Variants in SLC45A4 observed in about 807,000 individuals in gnomAD.
SLC45A4 encodes polyamine-transporter SLC45A4.
A neutral mutation model predicts 63.7 loss-of-function variants in SLC45A4; 32 were observed. That is an observed-to-expected ratio of 0.50 (90% CI 0.38 to 0.67). The LOEUF (loss-of-function observed/expected upper bound fraction) is 0.67. Ranked by LOEUF, SLC45A4 falls within the 30% of genes least tolerant of loss-of-function variation. The pLI, the probability that SLC45A4 is intolerant of heterozygous loss-of-function variation, is 0.00. For synonymous variants in SLC45A4, 535 were observed against 510.0 expected, an observed-to-expected ratio of 1.05 and a Z score of -0.66; for missense variants, 1,027 against 1,157.7, an observed-to-expected ratio of 0.89 and a Z score of 1.64.
At chr8:141,295,952 A>T (rs1037829164) in intron 1 of SLC45A4, among the ~76,000 whole-genome samples, 3 of 152,228 alleles carry the variant, frequency 2.0e-5, no homozygotes, top group African/African-American at 7.2e-5. Flanking sequence ...GCCCGGGGTC[A>T]GCCCGACAAG....
chr8:141,229,667 C>T lies in SLC45A4; in HGVS notation c.242-7902G>A, dbSNP rs1363054216. Reference sequence around the variant, plus strand: ...CAGAGACCCTGCTGCCACTCCAGTGCGTGCCAGGTGGGCCCTGACAACAGA... The same window carrying T: ...CAGAGACCCTGCTGCCACTCCAGTGTGTGCCAGGTGGGCCCTGACAACAGA... On this transcript the variant is annotated intron_variant, in intron 2 of 8. Coordinates refer to ENST00000517878, the MANE Select transcript of SLC45A4 (RefSeq NM_001286646.2). The surrounding 1 kb of genome is among the most constrained non-coding windows in gnomAD (Gnocchi z 5.0). Among the ~76,000 whole-genome samples the T allele has an allele frequency of 2.6e-5, 4 of 152,164 alleles. No homozygotes were observed. The highest frequency in any genetic ancestry group is 4.8e-5 in the African/African-American group (2 of 41,444).
intron 2 of SLC45A4, among the ~76,000 whole-genome samples, chr8:141,223,305 C>T (rs1041279817): frequency 6.6e-6 from 1 of 152,178 alleles, no homozygotes; most frequent in African/African-American, 2.4e-5. Context: ...GACGCGTGTC[C>T]GCTGGATGGG....
chr8:141,285,660 GCCGC>G (rs1830113467), intron 1 of SLC45A4, among the ~76,000 whole-genome samples: 2 of 152,194 alleles, frequency 1.3e-5, no homozygotes, highest in Non-Finnish European at 2.9e-5. Context: ...TTAGGGAAGC[GCCGC>G]CCTGGGATAA....
At chr8:141,268,819 C>T (rs532606294) in intron 1 of SLC45A4, among the ~76,000 whole-genome samples, 14 of 152,242 alleles carry the variant, frequency 9.2e-5, no homozygotes, top group South Asian at 2.1e-4. Flanking sequence ...AGTGTCCTAT[C>T]GTGGAGGCGC....
Position 141,218,540 on chromosome 8 carries a change from G to A in SLC45A4, c.1100C>T (p.Ala367Val), listed in dbSNP as rs1826347936. The A allele has an allele frequency of 2.5e-6, 4 of 1,613,496 alleles. No homozygotes were observed. The highest frequency in any genetic ancestry group is 3.4e-6 in the Non-Finnish European group (4 of 1,179,978). The change falls in exon 5 of 9, where the codon GCC becomes GTC. Residue 367 changes from alanine (A) to valine (V), a missense_variant. Coordinates refer to ENST00000517878, the MANE Select transcript of SLC45A4 (RefSeq NM_001286646.2). ...ATCCAGCAAGGTCTCGTCCTCCTTG[G>A]CGGCTTCCTTGAGGAAGGTGGCCAG... ...PRLATFLKEA[A>V]KEDETLLDNH...
chr8:141,307,638 A>C (rs534657101), intron 1 of SLC45A4, among the ~76,000 whole-genome samples: 6 of 152,114 alleles, frequency 3.9e-5, no homozygotes, highest in Admixed American at 2.6e-4. Flanking sequence ...TTGAATTCTC[A>C]TAAGTTAGAG....
chr8:141,273,937 C>A (rs998048821), intron 1 of SLC45A4, among the ~76,000 whole-genome samples: 1 of 152,234 alleles, frequency 6.6e-6, no homozygotes, highest in Non-Finnish European at 1.5e-5. Context: ...CTTTAAAAAA[C>A]GTAAAGTTTG....
intron 2 of SLC45A4, among the ~76,000 whole-genome samples, chr8:141,246,449 G>A (rs141755783): frequency 2.0e-4 from 5 of 25,092 alleles, no homozygotes; most frequent in Middle Eastern, 0.019. Context: ...TCAGTTATTT[G>A]CCATATGGGT....
chr8:141,252,783 G>A (rs1259276363), intron 2 of SLC45A4, among the ~76,000 whole-genome samples: 3 of 144,496 alleles, frequency 2.1e-5, no homozygotes, highest in Non-Finnish European at 4.5e-5. Flanking sequence ...ACGCCCACCT[G>A]TGCGTCTGTG....
chr8:141,287,735 C>G (rs1248882399), intron 1 of SLC45A4, among the ~76,000 whole-genome samples: 1 of 152,238 alleles, frequency 6.6e-6, no homozygotes, highest in South Asian at 2.1e-4. Context: ...AGGCTCTCTG[C>G]TGGGCAGAAG....
chr8:141,302,017 A>G (rs1372782199), intron 1 of SLC45A4, among the ~76,000 whole-genome samples: 1 of 152,120 alleles, frequency 6.6e-6, no homozygotes, highest in African/African-American at 2.4e-5. Context: ...GCAAACATAC[A>G]AGTTCACAAA....
At chr8:141,232,514 C>T (rs1408099838) in intron 2 of SLC45A4, among the ~76,000 whole-genome samples, 1 of 152,204 alleles carries the variant, frequency 6.6e-6, no homozygotes, top group East Asian at 1.9e-4. Context: ...CATGAACGCA[C>T]ACTCAGTGGC....
At chr8:141,212,122 A>G (rs1352022615) in intron 8 of SLC45A4, 75 bp downstream of exon 8, 12 of 1,430,230 alleles carry the variant, frequency 8.4e-6, no homozygotes, top group African/African-American at 1.4e-5. Flanking sequence ...GCTCCCGCCC[A>G]TGGCCTGGCC....
At position 141,215,639 on chromosome 8, in the gene SLC45A4, G is replaced by A. The variant is rs1182189853; in HGVS notation, c.1941+120C>T. 1 of 1,002,484 alleles carries A rather than the reference G, an allele frequency of 1.0e-6. No homozygotes were observed. The highest frequency in any genetic ancestry group is 1.5e-6 in the Non-Finnish European group (1 of 670,408). 62.1% of individuals were successfully genotyped at this position (1,002,484 alleles called of 1,614,324 possible). ...TGGAAGGGGCCATCTCAGAACCGGAGAGGAAGGAGGGCCATCTGTGTCGTG... is the reference window on the plus strand; with the variant it reads ...TGGAAGGGGCCATCTCAGAACCGGAAAGGAAGGAGGGCCATCTGTGTCGTG... On this transcript the variant is annotated intron_variant, in intron 7 of 8. Coordinates refer to ENST00000517878, the MANE Select transcript of SLC45A4 (RefSeq NM_001286646.2). This position sits in a 1 kb window ranked among gnomAD's most constrained non-coding sequence, Gnocchi z 4.3.
intron 2 of SLC45A4, among the ~76,000 whole-genome samples, chr8:141,251,960 C>T (rs1040174863): frequency 2.7e-5 from 4 of 146,544 alleles, no homozygotes; most frequent in Non-Finnish European, 4.5e-5. Context: ...GAGTCAGATC[C>T]GTGCACATAA....
chr8:141,307,012 C>A (rs1469408082), intron 1 of SLC45A4, among the ~76,000 whole-genome samples: 1 of 152,176 alleles, frequency 6.6e-6, no homozygotes, highest in Admixed American at 6.5e-5. Context: ...GGTCTGTGAA[C>A]CTGAAGCCAC....
chr8:141,273,564 G>C (rs1829619591), intron 1 of SLC45A4, among the ~76,000 whole-genome samples: 1 of 152,114 alleles, frequency 6.6e-6, no homozygotes, highest in Non-Finnish European at 1.5e-5. Context: ...ACGCGAAGCA[G>C]CTAAATGGTA....
chr8:141,225,737 G>A, intron 2 of SLC45A4: 1 of 152,544 alleles, frequency 6.6e-6, no homozygotes, highest in Non-Finnish European at 1.5e-5. Context: ...GAACCGCTAG[G>A]CCCGGGCCAG....
intron 1 of SLC45A4, among the ~76,000 whole-genome samples, chr8:141,298,844 C>G (rs1408352952): frequency 2.0e-5 from 3 of 152,128 alleles, no homozygotes; most frequent in African/African-American, 7.2e-5. Flanking sequence ...AAAGTCGAAT[C>G]CAAGGCATGG....
Sources: gnomAD v4.1 joint callset for allele counts (sites outside exome capture counted in the v4.1 genomes callset) on GRCh38, gnomAD v4.1.1 for gene constraint, Gnocchi (gnomAD v3.1) non-coding constraint, MANE v1.5 for transcripts, NCBI Gene and HGNC (gene_info 2026-07-23, HGNC 2026-07-21) for gene names.